AFF3: variants seen among roughly 807,000 people sequenced by gnomAD.
The protein encoded by AFF3 is ALF transcription elongation factor 3.
A neutral mutation model predicts 129.7 loss-of-function variants in AFF3; 32 were observed. That is an observed-to-expected ratio of 0.25 (90% CI 0.19 to 0.33). The LOEUF is 0.33. AFF3 is among the 10% of genes least tolerant of loss of function. AFF3 has a pLI of 1.00. For missense variants in AFF3, 1,373 were observed against 1,592.0 expected (o/e 0.86, Z 2.34); for synonymous variants, 644 against 635.4 (o/e 1.01, Z -0.20).
chr2:99,708,970 A>T (rs913363231), intron 11 of AFF3, among the ~76,000 whole-genome samples: 4 of 152,242 alleles, frequency 2.6e-5, no homozygotes, highest in Non-Finnish European at 5.9e-5. Flanking sequence ...TTAAATTCTT[A>T]ATTCAATTCA....
At chr2:99,553,917 C>CAAAAAAAA (rs1674649199) in intron 24 of AFF3, among the ~76,000 whole-genome samples, 25 of 72,440 alleles carry the variant, frequency 3.5e-4, no homozygotes, top group Non-Finnish European at 4.3e-4. Flanking sequence ...CTGTCTCAAA[C>CAAAAAAAA]CAAAAAAAAA....
At chr2:99,646,657 G>T (rs1166976642) in intron 13 of AFF3, among the ~76,000 whole-genome samples, 1 of 152,134 alleles carries the variant, frequency 6.6e-6, no homozygotes, top group African/African-American at 2.4e-5. Context: ...TTCCCACCCT[G>T]AGGTTCCTCT....
chr2:100,081,257 C>T (rs1465619464), intron 4 of AFF3, among the ~76,000 whole-genome samples: 1 of 152,024 alleles, frequency 6.6e-6, no homozygotes, highest in African/African-American at 2.4e-5. Context: ...TACATTTATA[C>T]AAATATTTTA....
chr2:99,994,873 G>A (rs532270564), intron 7 of AFF3, among the ~76,000 whole-genome samples: 15 of 152,182 alleles, frequency 9.9e-5, no homozygotes, highest in Non-Finnish European at 2.1e-4. Context: ...TTGAGGTACA[G>A]AAACTCAAGT....
intron 7 of AFF3, among the ~76,000 whole-genome samples, chr2:99,893,464 G>A (rs771799338): frequency 2.0e-4 from 31 of 152,148 alleles, no homozygotes; most frequent in Non-Finnish European, 4.1e-4. Context: ...GAGGTAATTC[G>A]GGTTGGATCA....
At chr2:100,056,901 G>C (rs1686833983) in intron 4 of AFF3, among the ~76,000 whole-genome samples, 1 of 152,176 alleles carries the variant, frequency 6.6e-6, no homozygotes, top group Admixed American at 6.5e-5. Context: ...ACTCTGAAAA[G>C]TGTCTGGTTT....
chr2:99,660,953 C>G (rs959874172), intron 12 of AFF3, among the ~76,000 whole-genome samples: 1 of 152,270 alleles, frequency 6.6e-6, no homozygotes, highest in South Asian at 2.1e-4. Flanking sequence ...AGATAACCAG[C>G]CCTACTCGGA....
intron 11 of AFF3, among the ~76,000 whole-genome samples, chr2:99,674,817 C>G (rs17022868): frequency 6.6e-6 from 1 of 152,306 alleles, no homozygotes; most frequent in Non-Finnish European, 1.5e-5. Context: ...GCAAACTAGC[C>G]GTGCAACTCA....
At chr2:99,552,343 T>C (rs988741855) in intron 24 of AFF3, among the ~76,000 whole-genome samples, 2 of 152,026 alleles carry the variant, frequency 1.3e-5, no homozygotes, top group African/African-American at 4.8e-5. Flanking sequence ...TGAGCTGAGA[T>C]TGTGCCACTG....
intron 4 of AFF3, among the ~76,000 whole-genome samples, chr2:100,091,015 A>C (rs181565809): frequency 6.9e-4 from 105 of 152,274 alleles, no homozygotes; most frequent in Non-Finnish European, 1.3e-3. Flanking sequence ...TTAAGGTCGC[A>C]TGGGACCTCA....
chr2:99,731,042 C>A (rs1443159565), intron 10 of AFF3, among the ~76,000 whole-genome samples: 1 of 152,002 alleles, frequency 6.6e-6, no homozygotes, highest in Non-Finnish European at 1.5e-5. Context: ...CAATCTCTGC[C>A]TCCCGGGTAA....
intron 8 of AFF3, among the ~76,000 whole-genome samples, chr2:99,799,714 A>T (rs1576018786): frequency 6.6e-6 from 1 of 152,186 alleles, no homozygotes; most frequent in African/African-American, 2.4e-5. Flanking sequence ...TTGATAGAAA[A>T]TCATACAGCT....
Position 99,639,959 on chromosome 2 carries a change from A to G in AFF3, c.1184+9667T>C, listed in dbSNP as rs1181536041. Among the ~76,000 whole-genome samples the G allele has an allele frequency of 3.3e-5, 5 of 152,080 alleles. No individual in the cohort carries two copies. The South Asian group carries it at 8.3e-4, about 25-fold the overall frequency. ...GGGAATCCTAAAGTGCTGGGATTACAGGCGTTAGCCACTGCACCCGGCCCA... is the reference window on the plus strand; with the variant it reads ...GGGAATCCTAAAGTGCTGGGATTACGGGCGTTAGCCACTGCACCCGGCCCA... On this transcript the variant is annotated intron_variant, in intron 13 of 24. Coordinates refer to ENST00000672756, the MANE Select transcript of AFF3 (RefSeq NM_001386135.1).
chr2:99,664,871 A>C (rs989474772), intron 12 of AFF3, among the ~76,000 whole-genome samples: 2 of 152,228 alleles, frequency 1.3e-5, no homozygotes, highest in African/African-American at 2.4e-5. Context: ...ATAACATATA[A>C]CTAAAATTAC....
At position 99,637,059 on chromosome 2, in the gene AFF3, G is replaced by A. The variant is rs141542578; in HGVS notation, c.1184+12567C>T. Among the ~76,000 whole-genome samples, 555 of 152,092 alleles carry A rather than the reference G, an allele frequency of 3.6e-3. 3 individuals are homozygous for A. Among genetic ancestry groups the A allele is most frequent in the African/African-American group, 0.013 (525 of 41,512 alleles). ...CAGGGTGGGACTGTTCCAGGGGTGG[G>A]AAAAGGGGGGAAATGGAGAGGACGG... On this transcript the variant is annotated intron_variant, in intron 13 of 24. Coordinates refer to ENST00000672756, the MANE Select transcript of AFF3 (RefSeq NM_001386135.1).
intron 11 of AFF3, among the ~76,000 whole-genome samples, chr2:99,681,381 T>C (rs1017802810): frequency 6.6e-6 from 1 of 152,232 alleles, no homozygotes; most frequent in Non-Finnish European, 1.5e-5. Flanking sequence ...AAGATACTGG[T>C]CTATGGGCCT....
At chr2:99,870,961 T>C (rs1192196871) in intron 7 of AFF3, among the ~76,000 whole-genome samples, 1 of 152,202 alleles carries the variant, frequency 6.6e-6, no homozygotes, top group Admixed American at 6.5e-5. Flanking sequence ...TCATAGGCAT[T>C]TTGTAATTAC....
chr2:99,968,527 T>A (rs1030563943), intron 7 of AFF3, among the ~76,000 whole-genome samples: 1 of 152,188 alleles, frequency 6.6e-6, no homozygotes. Context: ...TTTGGTTGAC[T>A]CTATGATTAA....
At position 99,931,019 on chromosome 2, in the gene AFF3, C is replaced by T. The variant is rs563689033; in HGVS notation, c.873+75613G>A. ...GCTTAAGGTTCAGAATTGAAATTTA[C>T]AGACCCAGTCTTTGCTTTTTTCAAC... On this transcript the variant is annotated intron_variant, in intron 7 of 24. Transcript: ENST00000672756. Among the ~76,000 whole-genome samples the T allele has an allele frequency of 7.2e-5, 11 of 152,332 alleles. No homozygotes were observed. The East Asian group carries it at 1.7e-3, about 24-fold the overall frequency.
Sources: gnomAD v4.1 joint callset for allele counts (sites outside exome capture counted in the v4.1 genomes callset) on GRCh38, gnomAD v4.1.1 for gene constraint, MANE v1.5 for transcripts, NCBI Gene and HGNC (gene_info 2026-07-23, HGNC 2026-07-21) for gene names.